Variants in DNHD1 observed in about 807,000 individuals in gnomAD.
DNHD1 encodes the protein dynein heavy chain domain-containing protein 1.
In DNHD1, 383 loss-of-function variants were observed where a neutral mutation model predicts 458.1. The observed-to-expected ratio is 0.84, with a 90% CI of 0.77 to 0.91. The LOEUF (loss-of-function observed/expected upper bound fraction) is 0.91. DNHD1 is among the 40% of genes least tolerant of loss of function. DNHD1 has a pLI of 0.00. For missense variants in DNHD1, 5,336 were observed against 5,866.1 expected (o/e 0.91, Z 2.95); for synonymous variants, 2,203 against 2,376.9 (o/e 0.93, Z 2.13).
At chr11:6,507,502 A>G (rs1852251861) in intron 4 of DNHD1, among the ~76,000 whole-genome samples, 1 of 152,198 alleles carries the variant, frequency 6.6e-6, no homozygotes, top group African/African-American at 2.4e-5. Context: ...AGAGCTAGCA[A>G]TATTTTTAAG....
intron 7 of DNHD1, among the ~76,000 whole-genome samples, chr11:6,514,536 T>C (rs1171890545): frequency 6.7e-6 from 1 of 150,350 alleles, no homozygotes; most frequent in Non-Finnish European, 1.5e-5. Context: ...TTCCTCCCTT[T>C]TTCTCTCCCT....
In DNHD1 at chr11:6,544,113, T is replaced by C; in HGVS notation, c.3629-8T>C. ...ATCTGACTGCCAGTTCAGCTTTTTC[T>C]GTCTTAGATTACAGCAACCTGCAGG... On this transcript the variant is annotated splice_region_variant and splice_polypyrimidine_tract_variant and intron_variant, in intron 18 of 42. Coordinates refer to ENST00000254579, the MANE Select transcript of DNHD1 (RefSeq NM_144666.3). 23 of 1,551,550 alleles carry C rather than the reference T, an allele frequency of 1.5e-5. No individual in the cohort carries two copies. The highest frequency in any genetic ancestry group is 2.0e-5 in the Non-Finnish European group (23 of 1,146,916).
At position 6,557,210 on chromosome 11, in the gene DNHD1, G is replaced by A. The variant is rs1200766999; in HGVS notation, c.7915G>A (p.Ala2639Thr). 1.3e-6 allele frequency: 2 copies of A among 1,551,636 alleles called. No homozygotes were observed. The highest frequency in any genetic ancestry group is 1.7e-6 in the Non-Finnish European group (2 of 1,147,008). Reference protein sequence around the residue: ...LRGTCLTVMMATRNVVRLWLH... With the variant: ...LRGTCLTVMMTTRNVVRLWLH... ...AGGCACTTGTCTGACCGTTATGATG[G>A]CCACACGCAATGTGGTGCGTCTTTG... is the stretch of plus-strand genomic sequence containing the variant. The change falls in exon 25 of 43, where the codon GCC becomes ACC. Residue 2639 changes from alanine to threonine, a missense_variant. Ala to Thr is a moderately conservative substitution (Grantham distance 58). Transcript: ENST00000254579.
rs762592581 is a variant in DNHD1 at position 6,567,131 on chromosome 11, C to T, written c.11622C>T (p.Phe3874=). Residue 3874 remains phenylalanine, a synonymous_variant, in exon 36 of 43, where the codon TTC becomes TTT. Transcript: ENST00000254579. ...AACTGCAGAACCTGCTGCCACTTTT[C>T]TGTATGAGCCCAGAGAACTGGCTGG... ...LSQLQNLLPL[F]CMSPENWLAV... 7 of 1,614,076 alleles carry T rather than the reference C, an allele frequency of 4.3e-6. No individual in the cohort carries two copies. The African/African-American group carries it at 9.3e-5, about 21-fold the overall frequency.
intron 6 of DNHD1, among the ~76,000 whole-genome samples, chr11:6,509,684 C>A (rs1852298819): frequency 6.6e-6 from 1 of 152,112 alleles, no homozygotes; most frequent in Non-Finnish European, 1.5e-5. Context: ...TGTGTTCTTT[C>A]CAAGATATTA....
chr11:6,498,411 C>T lies in DNHD1; in HGVS notation c.196C>T (p.Arg66Ter). Reference protein sequence around the residue: ...TVLELLLAELRTLFSAVLQDS... With the variant: ...TVLELLLAEL The stretch of plus-strand genomic sequence containing the variant: ...GCTGGAACTCCTGCTAGCTGAGCTC[C>T]GAACTCTGTTCTCAGCTGTGTTGCA... Residue 66 changes from arginine (R) to a stop codon, truncating the protein, a stop_gained, in exon 3 of 43, where the codon CGA (arginine) becomes TGA (stop). Coordinates refer to ENST00000254579, the MANE Select transcript of DNHD1 (RefSeq NM_144666.3). LOFTEE classifies it high-confidence loss of function. 1 of 1,614,186 alleles carries T rather than the reference C, an allele frequency of 6.2e-7. No homozygotes were observed. Among genetic ancestry groups the T allele is most frequent in the Non-Finnish European group, 8.5e-7 (1 of 1,180,030 alleles).
intron 41 of DNHD1, 86 bp from the exon 42 acceptor site, chr11:6,570,532 G>A (rs1853820516): frequency 2.0e-6 from 3 of 1,484,220 alleles, no homozygotes; most frequent in Non-Finnish European, 2.7e-6. Flanking sequence ...GGTGATGGCA[G>A]TAAAGGCTCA....
rs1452939591 is a variant in DNHD1, at chr11:6,545,465, A to G, written c.4526A>G (p.Gln1509Arg). ...WIDLVQAFPW[Q>R]CVLVAEEVVW... is the part of the protein sequence containing the mutation. ...GACTTAGTCCAGGCCTTCCCATGGC[A>G]GTGTGTGCTGGTGGCAGAGGAGGTG... Residue 1509 changes from glutamine (Q) to arginine (R), a missense_variant, in exon 21 of 43, where the codon CAG becomes CGG. Gln to Arg is a conservative substitution (Grantham distance 43). This residue lies in a region of DNHD1 where 3,932 missense variants were observed against 4,365.6 expected (regional missense o/e 0.90). Transcript: ENST00000254579. This position sits in a 1 kb window ranked among gnomAD's most constrained non-coding sequence, Gnocchi z 4.9. The G allele has an allele frequency of 7.1e-6, 11 of 1,551,722 alleles. No individual in the cohort carries two copies. In the South Asian group the frequency reaches 1.3e-4, roughly 18 times the overall value.
intron 3 of DNHD1, among the ~76,000 whole-genome samples, chr11:6,499,558 G>GTTTCTTTC (rs201829872): frequency 1.3e-5 from 2 of 151,908 alleles, no homozygotes; most frequent in Non-Finnish European, 1.5e-5. Context: ...TTTTTCTTTT[G>GTTTCTTTC]TTTCTTTCTT....
At chr11:6,528,385 CA>C (rs1356505699) in intron 10 of DNHD1, 136 bp from the exon 11 acceptor site, 1 of 1,071,136 alleles carries the variant, frequency 9.3e-7, no homozygotes, top group East Asian at 2.6e-5. Context: ...TGTGTTAACT[CA>C]CTCATGAGCA....
At position 6,558,567 on chromosome 11, in the gene DNHD1, C is replaced by A. The variant is rs535966606; in HGVS notation, c.9085C>A (p.Leu3029Ile). The change falls in exon 26 of 43, where the codon CTT becomes ATT. Residue 3029 changes from leucine to isoleucine, a missense_variant. By Grantham distance (5) the Leu-to-Ile change is conservative. Around this residue, in one of 4 missense-constraint regions of DNHD1, gnomAD observed 3,932 missense variants for 4,365.6 expected, o/e 0.90. Transcript: ENST00000254579. Reference sequence around the variant, plus strand: ...GGCCCACAAGCAGCTGCCCTCCACCCTTTTCCTGAGGCTCCTTCAACTGGC... The same window carrying A: ...GGCCCACAAGCAGCTGCCCTCCACCATTTTCCTGAGGCTCCTTCAACTGGC... Reference protein sequence around the residue: ...KQAHKQLPSTLFLRLLQLATA... With the variant: ...KQAHKQLPSTIFLRLLQLATA... The A allele has an allele frequency of 1.7e-5, 27 of 1,551,762 alleles. No homozygotes were observed. The highest frequency in any genetic ancestry group is 2.4e-5 in the Non-Finnish European group (27 of 1,146,996).
chr11:6,511,150 T>A (rs1484898534), intron 6 of DNHD1, 123 bp from the exon 7 acceptor site: 1 of 1,322,048 alleles, frequency 7.6e-7, no homozygotes, highest in Non-Finnish European at 1.0e-6. Context: ...TGGTCACTGT[T>A]GGTAATATTA....
At chr11:6,522,531 C>T (rs1264087797) in intron 10 of DNHD1, among the ~76,000 whole-genome samples, 1 of 151,854 alleles carries the variant, frequency 6.6e-6, no homozygotes, top group African/African-American at 2.4e-5. Context: ...GGATTAGTAC[C>T]GTGATGAAAT....
intron 14 of DNHD1, among the ~76,000 whole-genome samples, chr11:6,537,338 G>A (rs922671550): frequency 2.6e-5 from 4 of 152,116 alleles, no homozygotes; most frequent in African/African-American, 7.2e-5. Context: ...CTTTTGGGCT[G>A]ACAGTTCATT....
In DNHD1 at chr11:6,564,157, A is replaced by G. The variant is rs1193940284; in HGVS notation, c.10284+33A>G. 3 of 1,540,628 alleles carry G rather than the reference A, an allele frequency of 1.9e-6. No individual in the cohort carries two copies. The Admixed American group carries it at 5.9e-5, about 30-fold the overall frequency. ...TCCCCCTCCCAGATGTCTCCCCCAA[A>G]GTTCCTTTTATGCCGTTCGCCTGCT... On this transcript the variant is annotated intron_variant, in intron 31 of 42. Coordinates refer to ENST00000254579, the MANE Select transcript of DNHD1 (RefSeq NM_144666.3).
chr11:6,557,645 A>T lies in DNHD1; in HGVS notation c.8350A>T (p.Arg2784Trp). Reference protein sequence around the residue: ...TRASNYRLQVRRSFKTWWQKK... With the variant: ...TRASNYRLQVWRSFKTWWQKK... ...GGCATCCAACTATAGGCTCCAGGTA[A>T]GGAGATCATTCAAGACTTGGTGGCA... Residue 2784 changes from arginine (R) to tryptophan (W), a missense_variant, in exon 25 of 43, where the codon AGG becomes TGG. Transcript: ENST00000254579. 1 of 1,551,788 alleles carries T rather than the reference A, an allele frequency of 6.4e-7. No individual in the cohort carries two copies. Among genetic ancestry groups the T allele is most frequent in the East Asian group, 2.4e-5 (1 of 40,926 alleles).
chr11:6,522,188 GT>G (rs998705858), intron 10 of DNHD1, among the ~76,000 whole-genome samples: 17 of 149,142 alleles, frequency 1.1e-4, no homozygotes, highest in South Asian at 4.2e-4. Context: ...TAATGGGGCT[GT>G]TTTTTTTTTC....
chr11:6,512,911 C>T (rs1429187161), intron 7 of DNHD1, among the ~76,000 whole-genome samples: 1 of 152,082 alleles, frequency 6.6e-6, no homozygotes, highest in Non-Finnish European at 1.5e-5. Flanking sequence ...GTGATATCTT[C>T]TTTGGATGTT....
intron 18 of DNHD1, 56 bp downstream of exon 18, chr11:6,540,139 C>G: frequency 6.9e-7 from 1 of 1,450,562 alleles, no homozygotes; most frequent in South Asian, 1.2e-5. Flanking sequence ...CCATTTTCAT[C>G]CACCATATCC....
Sources: gnomAD v4.1 joint callset for allele counts (sites outside exome capture counted in the v4.1 genomes callset) on GRCh38, gnomAD v4.1.1 for gene constraint, gnomAD v4.1.1 regional missense constraint, Gnocchi (gnomAD v3.1) non-coding constraint, MANE v1.5 for transcripts, NCBI Gene and HGNC (gene_info 2026-07-23, HGNC 2026-07-21) for gene names.